The following TSN variants were observed in gnomAD, a reference collection of about 807,000 sequenced individuals.
TSN encodes component 3 of promoter of RISC.
Under a neutral mutation model 29.4 loss-of-function variants are expected in TSN, and 5 were observed. That is an observed-to-expected ratio of 0.17 (90% CI 0.09 to 0.36). The LOEUF is 0.36. TSN is among the 10% of genes least tolerant of loss of function. TSN has a pLI of 1.00. For synonymous variants in TSN, 106 were observed against 102.2 expected, an observed-to-expected ratio of 1.04 and a Z score of -0.23; for missense variants, 159 against 272.8, an observed-to-expected ratio of 0.58 and a Z score of 2.94.
rs2074734910 is a variant in TSN, at chr2:121,755,717, C to T, written c.-63C>T. 5.0e-6 allele frequency: 8 copies of T among 1,600,030 alleles called. No homozygotes were observed. The South Asian group carries it at 5.5e-5, about 11-fold the overall frequency. Reference sequence around the variant, plus strand: ...CCGTTGCGATTGATTGCGCTGGTTGCCTGCGGCGTCCACTTCCTTGGCCGC... The same window carrying T: ...CCGTTGCGATTGATTGCGCTGGTTGTCTGCGGCGTCCACTTCCTTGGCCGC... On this transcript the variant is annotated 5_prime_UTR_variant, in exon 1 of 6. Transcript: ENST00000389682.
rs1055275838 is a variant in TSN at position 121,757,814 on chromosome 2, G to A, written c.160+481G>A. On this transcript the variant is annotated intron_variant, in intron 2 of 5. Transcript: ENST00000389682. ...TGGTGTTACAGGTGCCCGCCATCACGCCCAGCTACTTTTTTTTTTTTTGGT... is the reference window on the plus strand; with the variant it reads ...TGGTGTTACAGGTGCCCGCCATCACACCCAGCTACTTTTTTTTTTTTTGGT... Among the ~76,000 whole-genome samples the A allele has an allele frequency of 6.3e-4, 96 of 151,662 alleles. 1 individual carries two copies. Among genetic ancestry groups the A allele is most frequent in the Non-Finnish European group, 1.1e-3 (74 of 67,892 alleles).
intron 4 of TSN, 149 bp from the exon 5 acceptor site, chr2:121,762,856 A>G (rs556214237): frequency 3.3e-6 from 2 of 607,564 alleles, no homozygotes; most frequent in South Asian, 5.2e-5. Flanking sequence ...AGTGAGGTCT[A>G]GTTGCCAAGG....
intron 3 of TSN, among the ~76,000 whole-genome samples, chr2:121,760,022 C>T (rs114138801): frequency 8.5e-5 from 13 of 152,340 alleles, no homozygotes; most frequent in Non-Finnish European, 1.6e-4. Context: ...GGGTTCCCAA[C>T]CCCCAGGCCA....
At chr2:121,761,664 A>T in intron 4 of TSN, 140 bp downstream of exon 4, 1 of 670,826 alleles carries the variant, frequency 1.5e-6, no homozygotes, top group East Asian at 2.7e-5. Context: ...GTATCTGAGG[A>T]TGATGCTTCC....
intron 4 of TSN, 146 bp downstream of exon 4, chr2:121,761,670 C>T: frequency 1.5e-6 from 1 of 648,464 alleles, no homozygotes; most frequent in Non-Finnish European, 2.7e-6. Context: ...GAGGATGATG[C>T]TTCCAGAGCT....
Position 121,765,588 on chromosome 2 carries a change from C to T in TSN, c.*221C>T. ...TTTTTTGTTGTTTCAGTGAATATGC[C>T]TGTAATTCAGTGTATTTCAGTTCCG... is the stretch of plus-strand genomic sequence containing the variant. On this transcript the variant is annotated 3_prime_UTR_variant, in exon 6 of 6. Coordinates refer to ENST00000389682, the MANE Select transcript of TSN (RefSeq NM_004622.3). 2 of 571,514 alleles carry T rather than the reference C, an allele frequency of 3.5e-6. No homozygotes were observed. The highest frequency in any genetic ancestry group is 6.2e-6 in the Non-Finnish European group (2 of 322,120). The allele number at this position is 571,514 out of a possible 1,614,324, so 35.4% of individuals were successfully genotyped here. A position where few individuals can be genotyped will look rare whatever the true frequency, so the allele number is the denominator to read the frequency against.
chr2:121,762,526 C>T (rs930035130), intron 4 of TSN, among the ~76,000 whole-genome samples: 5 of 152,208 alleles, frequency 3.3e-5, no homozygotes, highest in Non-Finnish European at 5.9e-5. Context: ...CACATTTGCA[C>T]TTGCTTTAGT....
rs1163915228 is a variant in TSN at position 121,765,472 on chromosome 2, C to A, written c.*105C>A. The A allele has an allele frequency of 3.9e-6, 4 of 1,026,630 alleles. No individual in the cohort carries two copies. The highest frequency in any genetic ancestry group is 2.8e-4 in the Middle Eastern group (1 of 3,524). The allele number at this position is 1,026,630 out of a possible 1,614,324, so 63.6% of individuals were successfully genotyped here. On this transcript the variant is annotated 3_prime_UTR_variant, in exon 6 of 6. Coordinates refer to ENST00000389682, the MANE Select transcript of TSN (RefSeq NM_004622.3). ...TAGGATGCTCAGTTGCTAAACACTG[C>A]GCTTTATTTTCTTAACCAGTTGTGG...
At chr2:121,757,590 A>G in intron 2 of TSN, 1 of 559,492 alleles carries the variant, frequency 1.8e-6, no homozygotes, top group Non-Finnish European at 3.0e-6. Context: ...TTAGAAAAAA[A>G]AAGTGCAGCT....
chr2:121,758,739 C>T lies in TSN; in HGVS notation c.190C>T (p.His64Tyr), dbSNP rs751244666. 1.9e-6 allele frequency: 3 copies of T among 1,585,966 alleles called. No individual in the cohort carries two copies. The highest frequency in any genetic ancestry group is 2.4e-5 in the South Asian group (2 of 83,904). ...IPKRCLKARE[H>Y]FGTVKTHLTS... Reference sequence around the variant, plus strand: ...AAAGAGGTGTTTGAAAGCTCGAGAACATTTTGGTACAGTAAAAACACATCT... The same window carrying T: ...AAAGAGGTGTTTGAAAGCTCGAGAATATTTTGGTACAGTAAAAACACATCT... The change falls in exon 3 of 6, where the codon CAT (histidine) becomes TAT (tyrosine). Residue 64 changes from histidine (H) to tyrosine (Y), a missense_variant. Physicochemically the swap from His to Tyr is moderately conservative, Grantham distance 83. This residue lies in a region of TSN where 31 missense variants were observed against 26.1 expected (regional missense o/e 1.19). Transcript: ENST00000389682.
chr2:121,762,753 A>T (rs2074849776), intron 4 of TSN, among the ~76,000 whole-genome samples: 1 of 152,204 alleles, frequency 6.6e-6, no homozygotes, highest in Non-Finnish European at 1.5e-5. Flanking sequence ...TTCTAACAAG[A>T]AGTATATTCT....
intron 4 of TSN, 139 bp from the exon 5 acceptor site, chr2:121,762,866 G>C: frequency 1.4e-6 from 1 of 718,160 alleles, no homozygotes; most frequent in African/African-American, 1.8e-5. Context: ...AGTTGCCAAG[G>C]TTGTGAATAT....
At chr2:121,757,380 G>C (rs775508526) in intron 2 of TSN, 47 bp downstream of exon 2, 2 of 1,612,424 alleles carry the variant, frequency 1.2e-6, no homozygotes, top group Non-Finnish European at 8.5e-7. Context: ...TATTTAGAGG[G>C]AGAGTTTCTA....
chr2:121,765,461 G>T lies in TSN; in HGVS notation c.*94G>T. The T allele has an allele frequency of 9.2e-7, 1 of 1,087,032 alleles. No individual in the cohort carries two copies. Among genetic ancestry groups the T allele is most frequent in the Non-Finnish European group, 1.4e-6 (1 of 734,184 alleles). The allele number at this position is 1,087,032 out of a possible 1,614,324, so 67.3% of individuals were successfully genotyped here. A position where few individuals can be genotyped will look rare whatever the true frequency, so the allele number is the denominator to read the frequency against. ...CTTACGGTAGTTAGGATGCTCAGTTGCTAAACACTGCGCTTTATTTTCTTA... is the reference window on the plus strand; with the variant it reads ...CTTACGGTAGTTAGGATGCTCAGTTTCTAAACACTGCGCTTTATTTTCTTA... On this transcript the variant is annotated 3_prime_UTR_variant, in exon 6 of 6. Transcript: ENST00000389682.
chr2:121,758,621 T>G lies in TSN; in HGVS notation c.161-89T>G, dbSNP rs143548853. 1.4e-4 allele frequency: 136 copies of G among 1,003,428 alleles called. No individual in the cohort carries two copies. In the African/African-American group the frequency reaches 2.2e-3, roughly 16 times the overall value. 62.2% of individuals were successfully genotyped at this position (1,003,428 alleles called of 1,614,324 possible). A position where few individuals can be genotyped will look rare whatever the true frequency, so the allele number is the denominator to read the frequency against. ...TTAGTTGTGAGGTTTTTTTGTTGAT[T>G]AATTTCCAGATAGATTACTTAGATT... On this transcript the variant is annotated intron_variant, in intron 2 of 5. Coordinates refer to ENST00000389682, the MANE Select transcript of TSN (RefSeq NM_004622.3).
At chr2:121,760,331 A>T (rs1409676018) in intron 3 of TSN, among the ~76,000 whole-genome samples, 1 of 152,160 alleles carries the variant, frequency 6.6e-6, no homozygotes, top group Non-Finnish European at 1.5e-5. Flanking sequence ...TCTGTGGAAA[A>T]ATTGTCTTCC....
intron 4 of TSN, 24 bp downstream of exon 4, chr2:121,761,548 C>T: frequency 6.5e-7 from 1 of 1,550,124 alleles, no homozygotes. Flanking sequence ...TTAGTGGGAT[C>T]TGCAGAATCA....
chr2:121,756,771 T>C (rs1435422415), intron 1 of TSN: 2 of 440,186 alleles, frequency 4.5e-6, no homozygotes, highest in Admixed American at 4.2e-5. Context: ...TAACTGGGCA[T>C]GGTTGCGCAC....
At position 121,767,272 on chromosome 2, in the gene TSN, A is replaced by C. The variant is rs985690878; in HGVS notation, c.*1905A>C. The C allele has an allele frequency of 6.6e-5, 10 of 152,118 alleles. No individual in the cohort carries two copies. The highest frequency in any genetic ancestry group is 2.4e-4 in the African/African-American group (10 of 41,426). 9.4% of individuals were successfully genotyped at this position (152,118 alleles called of 1,614,324 possible). On this transcript the variant is annotated 3_prime_UTR_variant, in exon 6 of 6. Transcript: ENST00000389682. ...TTGCTGGCTTGTTGTAAAGCAATAA[A>C]ATTTTTTTGGTCTTTTTGTAAGTGA... is the stretch of plus-strand genomic sequence containing the variant.
Sources: gnomAD v4.1 joint callset for allele counts (sites outside exome capture counted in the v4.1 genomes callset) on GRCh38, gnomAD v4.1.1 for gene constraint, gnomAD v4.1.1 regional missense constraint, MANE v1.5 for transcripts, NCBI Gene and HGNC (gene_info 2026-07-23, HGNC 2026-07-21) for gene names.